The following SULF2 variants were observed in gnomAD, a reference collection of about 807,000 sequenced individuals.
SULF2 encodes extracellular sulfatase Sulf-2.
A neutral mutation model predicts 107.7 loss-of-function variants in SULF2; 52 were observed. The ratio of observed to expected loss-of-function variants is 0.48; its 90% CI spans 0.39 to 0.61. SULF2 has a LOEUF of 0.61. Among genes scored for constraint, SULF2 ranks in the 20% least tolerant of loss-of-function variants. SULF2 has a pLI of 0.00. For synonymous variants in SULF2, 460 were observed against 464.3 expected (o/e 0.99, Z 0.12); for missense variants, 993 against 1,177.3 (o/e 0.84, Z 2.29).
At chr20:47,684,317 C>T (rs190860940) in intron 6 of SULF2, 114 bp downstream of exon 6, 4 of 1,222,054 alleles carry the variant, frequency 3.3e-6, no homozygotes, top group South Asian at 3.2e-5. Flanking sequence ...CCTCTTCATT[C>T]TGCCTTTGAT....
At chr20:47,706,623 T>A (rs1232475235) in intron 3 of SULF2, 7 of 152,290 alleles carry the variant, frequency 4.6e-5, no homozygotes, top group African/African-American at 1.7e-4. Context: ...AGGGCCGAAG[T>A]GGGCATGCAT....
chr20:47,712,106 G>A (rs2088953005), intron 3 of SULF2, among the ~76,000 whole-genome samples: 1 of 152,196 alleles, frequency 6.6e-6, no homozygotes, highest in Non-Finnish European at 1.5e-5. Context: ...AATGCATCTT[G>A]CTTCTTCACC....
intron 4 of SULF2, among the ~76,000 whole-genome samples, chr20:47,699,892 C>T (rs920175609): frequency 6.6e-6 from 1 of 152,204 alleles, no homozygotes; most frequent in Non-Finnish European, 1.5e-5. Flanking sequence ...GTCTCCACCA[C>T]TCCCTATTGT....
intron 4 of SULF2, among the ~76,000 whole-genome samples, chr20:47,697,276 C>G (rs1471749053): frequency 6.6e-6 from 1 of 152,226 alleles, no homozygotes; most frequent in African/African-American, 2.4e-5. Flanking sequence ...CTCTTTCTGC[C>G]CTTGACATCT....
At chr20:47,775,836 G>T (rs770226354) in intron 1 of SULF2, among the ~76,000 whole-genome samples, 7 of 152,180 alleles carry the variant, frequency 4.6e-5, no homozygotes, top group Non-Finnish European at 8.8e-5. Flanking sequence ...TGGGCAAAAA[G>T]TAATCAATAG....
chr20:47,751,463 T>C (rs1403155455), intron 2 of SULF2, among the ~76,000 whole-genome samples: 1 of 152,144 alleles, frequency 6.6e-6, no homozygotes, highest in African/African-American at 2.4e-5. Flanking sequence ...AAAGACTCAA[T>C]TTGGGTACTC....
chr20:47,658,508 T>C (rs1452631661), intron 20 of SULF2, 116 bp from the exon 21 acceptor site: 1 of 1,151,370 alleles, frequency 8.7e-7, no homozygotes, highest in Non-Finnish European at 1.3e-6. Context: ...AATGAATATT[T>C]CTAGGTTACT....
intron 3 of SULF2, among the ~76,000 whole-genome samples, chr20:47,725,380 G>GTAGGAAACTCAGAAGC (rs1420929693): frequency 6.6e-6 from 1 of 152,212 alleles, no homozygotes; most frequent in Non-Finnish European, 1.5e-5. Context: ...GAGTGATGTG[G>GTAGGAAACTCAGAAGC]TAGGAAACTC....
chr20:47,752,266 T>G (rs544153919), intron 2 of SULF2, among the ~76,000 whole-genome samples: 1 of 152,132 alleles, frequency 6.6e-6, no homozygotes, highest in Non-Finnish European at 1.5e-5. Context: ...CTCACAAGAA[T>G]GCCAGGGAAA....
intron 3 of SULF2, among the ~76,000 whole-genome samples, chr20:47,733,053 C>G (rs951374687): frequency 6.6e-6 from 1 of 152,282 alleles, no homozygotes; most frequent in Admixed American, 6.5e-5. Flanking sequence ...CCATGCAAAG[C>G]AAGATCACTG....
chr20:47,676,817 A>T, intron 9 of SULF2, 194 bp from the exon 10 acceptor site: 1 of 693,362 alleles, frequency 1.4e-6, no homozygotes, highest in South Asian at 2.0e-5. Flanking sequence ...AAACTTCCCA[A>T]ATTGCATGAG....
Position 47,663,572 on chromosome 20 carries a change from C to A in SULF2, c.2108G>T (p.Arg703Leu), listed in dbSNP as rs753403467. Residue 703 changes from arginine (R) to leucine (L), a missense_variant, in exon 16 of 21, where the codon CGC becomes CTC. Arg to Leu is a moderately radical substitution (Grantham distance 102). Around this residue, in one of 3 missense-constraint regions of SULF2, gnomAD observed 497 missense variants for 544.1 expected, o/e 0.91. Coordinates refer to ENST00000688720, the MANE Select transcript of SULF2 (RefSeq NM_001387048.1). ...DKVWLLREQK[R>L]KKKLRKLLKR... is the part of the protein sequence containing the mutation. ...GAGCAGCTTGCGGAGTTTCTTCTTG[C>A]GCTTCTGCTCCCGCAACAGCCACAC... 1 of 1,610,346 alleles carries A rather than the reference C, an allele frequency of 6.2e-7. No homozygotes were observed. The highest frequency in any genetic ancestry group is 8.5e-7 in the Non-Finnish European group (1 of 1,178,580).
At position 47,665,303 on chromosome 20, in the gene SULF2, G is replaced by C. The variant is rs376750969; in HGVS notation, c.1903-10C>G. The C allele has an allele frequency of 2.5e-6, 4 of 1,574,756 alleles. No individual in the cohort carries two copies. Among genetic ancestry groups the C allele is most frequent in the Admixed American group, 1.7e-5 (1 of 59,954 alleles). On this transcript the variant is annotated splice_polypyrimidine_tract_variant and intron_variant, in intron 13 of 20. Coordinates refer to ENST00000688720, the MANE Select transcript of SULF2 (RefSeq NM_001387048.1). ...TCTGCAGGGTTTCAATCTGAGGGAG[G>C]GGCAGAAGAGGAGGCCTTGAAACCT...
intron 1 of SULF2, among the ~76,000 whole-genome samples, chr20:47,758,615 G>A (rs2090349759): frequency 6.6e-6 from 1 of 152,178 alleles, no homozygotes; most frequent in African/African-American, 2.4e-5. Context: ...GCGAAGGTGG[G>A]TGCGGGGAGG....
intron 18 of SULF2, 56 bp from the exon 19 acceptor site, chr20:47,659,786 C>T: frequency 1.5e-6 from 2 of 1,337,232 alleles, no homozygotes; most frequent in South Asian, 2.4e-5. Flanking sequence ...GGCAAAACAA[C>T]CCCAACACAC....
At chr20:47,662,991 T>C in intron 17 of SULF2, 79 bp downstream of exon 17, 1 of 1,523,486 alleles carries the variant, frequency 6.6e-7, no homozygotes. Context: ...TGTCATCACT[T>C]CCCTGAGGTT....
At position 47,665,911 on chromosome 20, in the gene SULF2, G is replaced by A; in HGVS notation, c.1848C>T (p.Asp616=). 1 of 1,614,056 alleles carries A rather than the reference G, an allele frequency of 6.2e-7. No individual in the cohort carries two copies. Among genetic ancestry groups the A allele is most frequent in the Non-Finnish European group, 8.5e-7 (1 of 1,180,010 alleles). The change falls in exon 13 of 21, where the codon GAC becomes GAT. Residue 616 remains aspartate, a synonymous_variant. Transcript: ENST00000688720. ...LENDTVQCDL[D]LYKSLQAWKD... Reference sequence around the variant, plus strand: ...TCCAGGCCTGCAGGGACTTGTACAGGTCCAGGTCACACTGGACTGTGTCGT... The same window carrying A: ...TCCAGGCCTGCAGGGACTTGTACAGATCCAGGTCACACTGGACTGTGTCGT...
Position 47,658,333 on chromosome 20 carries a change from T to A in SULF2, c.*29A>T. 6.2e-7 allele frequency: 1 copy of A among 1,613,536 alleles called. No homozygotes were observed. Among genetic ancestry groups the A allele is most frequent in the Non-Finnish European group, 8.5e-7 (1 of 1,179,400 alleles). On this transcript the variant is annotated 3_prime_UTR_variant, in exon 21 of 21. Coordinates refer to ENST00000688720, the MANE Select transcript of SULF2 (RefSeq NM_001387048.1). ...CCTGTGCAGTCAGGTGATGCCTCTATGTTTTTGGAGGTCCACCTCTGTTGT... is the reference window on the plus strand; with the variant it reads ...CCTGTGCAGTCAGGTGATGCCTCTAAGTTTTTGGAGGTCCACCTCTGTTGT...
intron 1 of SULF2, among the ~76,000 whole-genome samples, chr20:47,773,239 G>C (rs770357537): frequency 6.6e-6 from 1 of 152,316 alleles, no homozygotes; most frequent in African/African-American, 2.4e-5. Context: ...GTGATACCTT[G>C]GTGGAGGAGA....
Sources: gnomAD v4.1 joint callset for allele counts (sites outside exome capture counted in the v4.1 genomes callset) on GRCh38, gnomAD v4.1.1 for gene constraint, gnomAD v4.1.1 regional missense constraint, MANE v1.5 for transcripts, NCBI Gene and HGNC (gene_info 2026-07-23, HGNC 2026-07-21) for gene names.